Variants in CRACR2A observed in about 807,000 individuals in gnomAD.
The protein encoded by CRACR2A is calcium release activated channel regulator 2A.
A neutral mutation model predicts 90.5 loss-of-function variants in CRACR2A; 79 were observed. The ratio of observed to expected loss-of-function variants is 0.87; its 90% CI spans 0.73 to 1.05. The LOEUF is 1.05. CRACR2A is among the 50% of genes least tolerant of loss of function. The pLI, the probability that CRACR2A is intolerant of heterozygous loss-of-function variation, is 0.00. For missense variants in CRACR2A, 823 were observed against 897.2 expected, an observed-to-expected ratio of 0.92 and a Z score of 1.06; for synonymous variants, 338 against 356.7, an observed-to-expected ratio of 0.95 and a Z score of 0.59.
intron 3 of CRACR2A, among the ~76,000 whole-genome samples, chr12:3,708,053 A>G (rs900759483): frequency 9.2e-5 from 14 of 152,176 alleles, no homozygotes; most frequent in Non-Finnish European, 5.9e-5. Flanking sequence ...ATACCCTTGA[A>G]TACTTTTTGT....
intron 1 of CRACR2A, among the ~76,000 whole-genome samples, chr12:3,734,147 A>T (rs926659905): frequency 1.7e-4 from 25 of 150,984 alleles, no homozygotes; most frequent in Non-Finnish European, 2.8e-4. Context: ...ATTTTTTTTA[A>T]AAAATATTTT....
intron 6 of CRACR2A, among the ~76,000 whole-genome samples, chr12:3,674,777 C>T (rs1377421919): frequency 6.6e-6 from 1 of 152,150 alleles, no homozygotes; most frequent in Non-Finnish European, 1.5e-5. Flanking sequence ...ACTTTTTTCA[C>T]ATCTATATAA....
At chr12:3,665,697 A>G (rs1221922168) in intron 7 of CRACR2A, among the ~76,000 whole-genome samples, 1 of 152,096 alleles carries the variant, frequency 6.6e-6, no homozygotes, top group Non-Finnish European at 1.5e-5. Context: ...AGCTTGTTGT[A>G]TGTGGTGTGA....
chr12:3,638,406 G>T lies in CRACR2A; in HGVS notation c.1320C>A (p.Ser440=), dbSNP rs1367559857. ...TTAGGGGATATCCACTCAGGCCCAG[G>T]GAGCTTCTCCTTGGGATGCCAAACA... is the stretch of plus-strand genomic sequence containing the variant. ...EEVFGIPRRS[S]LGLSGYPLTE... is the part of the protein sequence containing the mutation. The change falls in exon 14 of 20, where the codon TCC becomes TCA. Residue 440 remains serine (S), a synonymous_variant. Coordinates refer to ENST00000440314, the MANE Select transcript of CRACR2A (RefSeq NM_001144958.2). 2.6e-6 allele frequency: 4 copies of T among 1,549,502 alleles called. No homozygotes were observed. The South Asian group carries it at 4.8e-5, about 18-fold the overall frequency.
intron 2 of CRACR2A, among the ~76,000 whole-genome samples, chr12:3,714,256 C>T (rs996514547): frequency 2.6e-5 from 4 of 152,216 alleles, no homozygotes; most frequent in Non-Finnish European, 5.9e-5. Context: ...CAGGCAAATC[C>T]AGCAAGGTAT....
At chr12:3,620,344 T>C (rs888424953) in intron 17 of CRACR2A, among the ~76,000 whole-genome samples, 1 of 152,260 alleles carries the variant, frequency 6.6e-6, no homozygotes, top group Non-Finnish European at 1.5e-5. Flanking sequence ...AATGTTTTAC[T>C]AAATAGAGGG....
At chr12:3,679,715 G>A (rs1436699335) in intron 5 of CRACR2A, among the ~76,000 whole-genome samples, 1 of 152,148 alleles carries the variant, frequency 6.6e-6, no homozygotes, top group African/African-American at 2.4e-5. Flanking sequence ...TAGTGTGTCT[G>A]GTTTCTTTAT....
intron 1 of CRACR2A, among the ~76,000 whole-genome samples, chr12:3,741,097 A>G (rs1306585748): frequency 6.6e-6 from 1 of 152,184 alleles, no homozygotes; most frequent in Admixed American, 6.5e-5. Context: ...ACACACCCAG[A>G]ATGACTTTCT....
intron 3 of CRACR2A, among the ~76,000 whole-genome samples, chr12:3,706,738 T>G (rs776700290): frequency 2.6e-5 from 4 of 152,156 alleles, no homozygotes; most frequent in Non-Finnish European, 5.9e-5. Flanking sequence ...GTAGCTGTGA[T>G]TACAGGTGTG....
chr12:3,717,633 C>A (rs1335855277), intron 2 of CRACR2A, among the ~76,000 whole-genome samples: 1 of 152,190 alleles, frequency 6.6e-6, no homozygotes, highest in South Asian at 2.1e-4. Context: ...AGGATTTTGT[C>A]ATTTATGCCT....
chr12:3,687,288 A>G (rs549811333), intron 4 of CRACR2A, among the ~76,000 whole-genome samples: 163 of 151,228 alleles, frequency 1.1e-3, no homozygotes, highest in Non-Finnish European at 2.1e-3. Context: ...TTATTTCATC[A>G]CCCAGGTATT....
chr12:3,727,591 G>A (rs1036737017), intron 2 of CRACR2A: 9 of 152,172 alleles, frequency 5.9e-5, no homozygotes, highest in Non-Finnish European at 1.3e-4. Context: ...ATGAAGCAGG[G>A]AGATCATCTC....
chr12:3,700,388 T>C (rs1229953654), intron 3 of CRACR2A, among the ~76,000 whole-genome samples: 1 of 152,188 alleles, frequency 6.6e-6, no homozygotes, highest in East Asian at 1.9e-4. Flanking sequence ...AAAGAGTTTT[T>C]AGGTCATGGC....
At chr12:3,641,086 C>T (rs1410099689) in intron 13 of CRACR2A, among the ~76,000 whole-genome samples, 3 of 152,198 alleles carry the variant, frequency 2.0e-5, no homozygotes, top group Non-Finnish European at 4.4e-5. Flanking sequence ...TGGCTCACAC[C>T]TGTAATCCTA....
At chr12:3,648,671 C>G (rs1944738425) in intron 10 of CRACR2A, 58 bp from the exon 11 acceptor site, 1 of 1,572,296 alleles carries the variant, frequency 6.4e-7, no homozygotes, top group African/African-American at 1.3e-5. Context: ...GATGCCCGGA[C>G]CCCTCATGCT....
chr12:3,659,941 C>T (rs940430839), intron 7 of CRACR2A, among the ~76,000 whole-genome samples: 5 of 152,210 alleles, frequency 3.3e-5, no homozygotes, highest in South Asian at 2.1e-4. Context: ...CTATGCTCCT[C>T]GGTGAAGCTT....
intron 14 of CRACR2A, among the ~76,000 whole-genome samples, chr12:3,636,838 TGGTAACCTATGCC>T (rs1173026480): frequency 3.3e-5 from 5 of 152,178 alleles, no homozygotes; most frequent in African/African-American, 1.2e-4. Context: ...GGCCTGAGAA[TGGTAACCTATGCC>T]GGGAAGTCCA....
intron 17 of CRACR2A, among the ~76,000 whole-genome samples, chr12:3,621,012 C>G (rs941391488): frequency 6.6e-6 from 1 of 152,082 alleles, no homozygotes; most frequent in Non-Finnish European, 1.5e-5. Context: ...GATACTTGTG[C>G]GAAGAGCTTT....
At chr12:3,699,348 T>G (rs1432062517) in intron 3 of CRACR2A, among the ~76,000 whole-genome samples, 1 of 152,234 alleles carries the variant, frequency 6.6e-6, no homozygotes, top group Non-Finnish European at 1.5e-5. Context: ...CAGCAAGCTC[T>G]GAGCTAACAC....
Sources: gnomAD v4.1 joint callset for allele counts (sites outside exome capture counted in the v4.1 genomes callset) on GRCh38, gnomAD v4.1.1 for gene constraint, MANE v1.5 for transcripts, NCBI Gene and HGNC (gene_info 2026-07-23, HGNC 2026-07-21) for gene names.